The following KCNH5 variants were observed in gnomAD, a reference collection of about 807,000 sequenced individuals.
KCNH5 encodes the protein voltage-gated delayed rectifier potassium channel KCNH5.
KCNH5 carries 46 observed loss-of-function variants against 96.1 expected under a neutral mutation model. The ratio of observed to expected loss-of-function variants is 0.48; its 90% confidence interval spans 0.38 to 0.61. The LOEUF (loss-of-function observed/expected upper bound fraction) is 0.61, where lower values mean the gene tolerates loss of function less well. Among genes scored for constraint, KCNH5 ranks in the 20% least tolerant of loss-of-function variants. The pLI is 0.00. For missense variants in KCNH5, 907 were observed against 1,225.8 expected (o/e 0.74, Z 3.88); for synonymous variants, 439 against 449.8 (o/e 0.98, Z 0.30).
chr14:62,878,883 C>T (rs1469434330), intron 7 of KCNH5, among the ~76,000 whole-genome samples: 1 of 152,070 alleles, frequency 6.6e-6, no homozygotes, highest in East Asian at 1.9e-4. Flanking sequence ...CGAATTTCCT[C>T]TTATTGTAAG....
chr14:62,872,889 G>A (rs1436529142), intron 7 of KCNH5, among the ~76,000 whole-genome samples: 1 of 152,078 alleles, frequency 6.6e-6, no homozygotes, highest in Admixed American at 6.6e-5. Context: ...GAAGGCTCCC[G>A]CCTGTAATCC....
intron 10 of KCNH5, chr14:62,712,630 A>G (rs1327303032): frequency 1.3e-6 from 1 of 767,072 alleles, no homozygotes; most frequent in Non-Finnish European, 2.4e-6. Context: ...AAACTCGGAT[A>G]GATGAATGGG....
chr14:62,876,812 T>A (rs981164358), intron 7 of KCNH5, among the ~76,000 whole-genome samples: 1 of 152,088 alleles, frequency 6.6e-6, no homozygotes, highest in Non-Finnish European at 1.5e-5. Flanking sequence ...TATGAATAAT[T>A]AAATAGAGAA....
intron 8 of KCNH5, among the ~76,000 whole-genome samples, chr14:62,822,018 C>T (rs1394039060): frequency 6.6e-6 from 1 of 152,060 alleles, no homozygotes; most frequent in Non-Finnish European, 1.5e-5. Flanking sequence ...AACACAATAA[C>T]ATTTTCAATG....
chr14:63,003,441 A>ATATATATATTATATATATATTT (rs1404003082), intron 3 of KCNH5, among the ~76,000 whole-genome samples: 59 of 113,912 alleles, frequency 5.2e-4, no homozygotes, highest in African/African-American at 1.5e-3. Flanking sequence ...AAAGAGCCAT[A>ATATATATATTATATATATATTT]TATATATATT....
intron 3 of KCNH5, among the ~76,000 whole-genome samples, chr14:63,003,256 G>A (rs554579433): frequency 2.0e-5 from 3 of 150,874 alleles, no homozygotes; most frequent in East Asian, 2.0e-4. Flanking sequence ...AGTAGGCTGA[G>A]TATCTGCCAA....
intron 2 of KCNH5, 88 bp downstream of exon 2, chr14:63,016,743 T>G: frequency 7.7e-7 from 1 of 1,301,054 alleles, no homozygotes. Flanking sequence ...GGTTTGTATA[T>G]GGGAGTCCAA....
At chr14:63,019,639 A>C (rs1336527069) in intron 1 of KCNH5, among the ~76,000 whole-genome samples, 2 of 152,064 alleles carry the variant, frequency 1.3e-5, no homozygotes, top group African/African-American at 2.4e-5. Context: ...CATATGAGCA[A>C]AAATTGAAAC....
At chr14:62,896,509 G>A (rs1386465718) in intron 7 of KCNH5, among the ~76,000 whole-genome samples, 1 of 152,110 alleles carries the variant, frequency 6.6e-6, no homozygotes, top group Non-Finnish European at 1.5e-5. Flanking sequence ...ATCCTTAAAG[G>A]AAAAGGAAAA....
At chr14:63,017,217 C>A (rs1891343144) in intron 1 of KCNH5, among the ~76,000 whole-genome samples, 1 of 151,872 alleles carries the variant, frequency 6.6e-6, no homozygotes, top group Non-Finnish European at 1.5e-5. Flanking sequence ...TTCAAGTATA[C>A]CCTAAGCTAT....
intron 10 of KCNH5, among the ~76,000 whole-genome samples, chr14:62,778,634 A>G (rs1886147063): frequency 6.6e-6 from 1 of 152,246 alleles, no homozygotes; most frequent in African/African-American, 2.4e-5. Context: ...TAATATTCAC[A>G]TCTAACTATA....
intron 7 of KCNH5, among the ~76,000 whole-genome samples, chr14:62,937,240 C>T (rs578231548): frequency 1.1e-4 from 17 of 152,172 alleles, no homozygotes; most frequent in African/African-American, 3.9e-4. Flanking sequence ...CTGGTCTTAC[C>T]GTATGTCTGG....
At chr14:63,041,519 A>G (rs1189265010) in intron 1 of KCNH5, among the ~76,000 whole-genome samples, 1 of 152,116 alleles carries the variant, frequency 6.6e-6, no homozygotes, top group Non-Finnish European at 1.5e-5. Context: ...AAGTTTGTCT[A>G]AGCCGTCCTA....
intron 8 of KCNH5, among the ~76,000 whole-genome samples, chr14:62,807,808 T>C (rs1886797800): frequency 6.6e-6 from 1 of 152,156 alleles, no homozygotes; most frequent in South Asian, 2.1e-4. Context: ...TCTCAGATGG[T>C]CTGTGTAAGC....
Position 63,006,447 on chromosome 14 carries a change from T to C in KCNH5, c.223A>G (p.Lys75Glu). 6.2e-7 allele frequency: 1 copy of C among 1,611,556 alleles called. No individual in the cohort carries two copies. The highest frequency in any genetic ancestry group is 8.5e-7 in the Non-Finnish European group (1 of 1,178,058). ...TGCCTGACTTTCTCAATGGTCTTCT[T>C]GTCAGTCAATTCCCCATACATAAAA... ...CSFMYGELTD[K>E]KTIEKVRQTF... is the part of the protein sequence containing the mutation. Residue 75 changes from lysine (K) to glutamate (E), a missense_variant, in exon 3 of 11, where the codon AAG becomes GAG. This residue lies in a region of KCNH5 where 370 missense variants were observed against 561.3 expected (regional missense o/e 0.66). Transcript: ENST00000322893.
intron 10 of KCNH5, among the ~76,000 whole-genome samples, chr14:62,710,605 T>C (rs1465096032): frequency 2.0e-5 from 3 of 152,194 alleles, no homozygotes; most frequent in Non-Finnish European, 4.4e-5. Context: ...ATTTTCCACA[T>C]CCCCCTTCCC....
intron 10 of KCNH5, among the ~76,000 whole-genome samples, chr14:62,728,055 T>A (rs1012414040): frequency 6.6e-6 from 1 of 150,654 alleles, no homozygotes; most frequent in Non-Finnish European, 1.5e-5. Context: ...TATATGTATG[T>A]CTATCAGCAG....
chr14:62,857,064 G>A (rs1887944304), intron 7 of KCNH5, among the ~76,000 whole-genome samples: 1 of 152,012 alleles, frequency 6.6e-6, no homozygotes, highest in Admixed American at 6.6e-5. Context: ...TTGGATAGAT[G>A]TCACCTATCT....
At chr14:62,737,920 A>C (rs1885192666) in intron 10 of KCNH5, among the ~76,000 whole-genome samples, 1 of 152,068 alleles carries the variant, frequency 6.6e-6, no homozygotes, top group Non-Finnish European at 1.5e-5. Flanking sequence ...GATGCCCAAA[A>C]CTGCAGACAG....
Sources: allele counts gnomAD v4.1 joint callset (sites outside exome capture counted in the v4.1 genomes callset), GRCh38; gene constraint gnomAD v4.1.1; regional missense constraint gnomAD v4.1.1; transcripts MANE v1.5; gene names NCBI Gene and HGNC (gene_info 2026-07-23, HGNC 2026-07-21).